Variants in SMCR8 observed in about 807,000 individuals in gnomAD.
SMCR8 encodes SMCR8-C9orf72 complex subunit.
A neutral mutation model predicts 56.6 loss-of-function variants in SMCR8; 30 were observed. That is an observed-to-expected ratio of 0.53 (90% CI 0.40 to 0.72). The LOEUF (loss-of-function observed/expected upper bound fraction) is 0.72. Among genes scored for constraint, SMCR8 ranks in the 30% least tolerant of loss-of-function variants. SMCR8 has a pLI of 0.00. For missense variants in SMCR8, 1,198 were observed against 1,157.0 expected (o/e 1.04, Z -0.51); for synonymous variants, 538 against 456.0 (o/e 1.18, Z -2.29).
At chr17:18,318,550 C>A (rs1982404650) in intron 1 of SMCR8, among the ~76,000 whole-genome samples, 1 of 152,080 alleles carries the variant, frequency 6.6e-6, no homozygotes, top group Non-Finnish European at 1.5e-5. Flanking sequence ...ATTACAGGCG[C>A]CTGCCACCAC....
In SMCR8 at chr17:18,318,155, T is replaced by C; in HGVS notation, c.2360+6T>C. 6.2e-7 allele frequency: 1 copy of C among 1,607,124 alleles called. No individual in the cohort carries two copies. The highest frequency in any genetic ancestry group is 1.3e-5 in the African/African-American group (1 of 74,910). On this transcript the variant is annotated splice_donor_region_variant and intron_variant, in intron 1 of 1. Transcript: ENST00000406438. ...AAGCTTATTGGCTTGCAGAGGTAACTGGTTCCAGGTGGTGGGGAAGGGCCT... is the reference window on the plus strand; with the variant it reads ...AAGCTTATTGGCTTGCAGAGGTAACCGGTTCCAGGTGGTGGGGAAGGGCCT...
rs780661102 is a variant in SMCR8, at chr17:18,323,122, G to A, written c.*52G>A. 6.6e-7 allele frequency: 1 copy of A among 1,520,456 alleles called. No individual in the cohort carries two copies. Among genetic ancestry groups the A allele is most frequent in the East Asian group, 2.3e-5 (1 of 44,142 alleles). The allele number at this position is 1,520,456 out of a possible 1,614,324, so 94.2% of individuals were successfully genotyped here. A position where few individuals can be genotyped will look rare whatever the true frequency, so the allele number is the denominator to read the frequency against. ...ACCTGTGACTCAGGGTATGGGGAGG[G>A]GAGGGGTTGGCATGACCAAACAGTT... On this transcript the variant is annotated 3_prime_UTR_variant, in exon 2 of 2. Coordinates refer to ENST00000406438, the MANE Select transcript of SMCR8 (RefSeq NM_144775.3).
chr17:18,322,249 G>A (rs1236166904), intron 1 of SMCR8, among the ~76,000 whole-genome samples: 7 of 152,164 alleles, frequency 4.6e-5, no homozygotes. Flanking sequence ...CTGACCTCAC[G>A]ATGCGCCTGC....
At chr17:18,320,232 G>A (rs1388309370) in intron 1 of SMCR8, among the ~76,000 whole-genome samples, 2 of 152,216 alleles carry the variant, frequency 1.3e-5, no homozygotes, top group African/African-American at 2.4e-5. Context: ...GTCCTCCTGC[G>A]GCGGGCATGG....
rs1982250484 is a variant in SMCR8 at position 18,315,903 on chromosome 17, C to T, written c.114C>T (p.Ala38=). ...EEYSVPLFPF[A]SQGANPWSKL... ...ACTCGGTGCCGCTCTTCCCCTTCGC[C>T]AGTCAGGGTGCTAACCCCTGGTCAA... Residue 38 remains alanine (A), a synonymous_variant, in exon 1 of 2, where the codon GCC becomes GCT. Transcript: ENST00000406438. 6.2e-7 allele frequency: 1 copy of T among 1,614,042 alleles called. No homozygotes were observed. The highest frequency in any genetic ancestry group is 8.5e-7 in the Non-Finnish European group (1 of 1,180,024).
chr17:18,316,050 C>CAA lies in SMCR8; in HGVS notation c.262_263dup (p.Asn88LysfsTer29), dbSNP rs1982260439. 6.2e-7 allele frequency: 1 copy of CAA among 1,614,138 alleles called. No homozygotes were observed. The highest frequency in any genetic ancestry group is 1.7e-5 in the Admixed American group (1 of 60,018). Reference sequence around the variant, plus strand: ...CCAAAGTTTTTGGCACTTTTGATCTCAATTACTTCTCCCTGCGTATCATGT... The same window carrying CAA: ...CCAAAGTTTTTGGCACTTTTGATCTCAAAATTACTTCTCCCTGCGTATCATGT... On this transcript the variant is annotated frameshift_variant, in exon 1 of 2. Coordinates refer to ENST00000406438, the MANE Select transcript of SMCR8 (RefSeq NM_144775.3). LOFTEE classifies it high-confidence loss of function.
Position 18,317,816 on chromosome 17 carries a change from G to C in SMCR8, c.2027G>C (p.Ser676Thr), listed in dbSNP as rs1982374523. Residue 676 changes from serine to threonine, a missense_variant, in exon 1 of 2, where the codon AGC (serine) becomes ACC (threonine). Physicochemically the swap from Ser to Thr is moderately conservative, Grantham distance 58. Coordinates refer to ENST00000406438, the MANE Select transcript of SMCR8 (RefSeq NM_144775.3). Reference protein sequence around the residue: ...TSLDNYSDTTSYVSSVASTSS... With the variant: ...TSLDNYSDTTTYVSSVASTSS... ...CTGGACAACTACTCAGACACCACCAGCTACGTGAGCAGTGTAGCGTCCACC... is the reference window on the plus strand; with the variant it reads ...CTGGACAACTACTCAGACACCACCACCTACGTGAGCAGTGTAGCGTCCACC... 1 of 1,614,166 alleles carries C rather than the reference G, an allele frequency of 6.2e-7. No homozygotes were observed. The highest frequency in any genetic ancestry group is 8.5e-7 in the Non-Finnish European group (1 of 1,180,012).
In SMCR8 at chr17:18,317,731, C is replaced by G; in HGVS notation, c.1942C>G (p.Pro648Ala). 6.2e-7 allele frequency: 1 copy of G among 1,614,130 alleles called. No individual in the cohort carries two copies. Among genetic ancestry groups the G allele is most frequent in the Non-Finnish European group, 8.5e-7 (1 of 1,180,040 alleles). ...SSRDNSCEGF[P>A]AYELDPSHLL... Reference sequence around the variant, plus strand: ...CCGAGACAACAGTTGTGAAGGGTTTCCCGCTTATGAGCTGGACCCGAGCCA... The same window carrying G: ...CCGAGACAACAGTTGTGAAGGGTTTGCCGCTTATGAGCTGGACCCGAGCCA... Residue 648 changes from proline (P) to alanine (A), a missense_variant, in exon 1 of 2, where the codon CCC becomes GCC. Physicochemically the swap from Pro to Ala is conservative, Grantham distance 27. Coordinates refer to ENST00000406438, the MANE Select transcript of SMCR8 (RefSeq NM_144775.3).
At position 18,317,075 on chromosome 17, in the gene SMCR8, T is replaced by A; in HGVS notation, c.1286T>A (p.Met429Lys). Residue 429 changes from methionine to lysine, a missense_variant, in exon 1 of 2, where the codon ATG becomes AAG. Physicochemically the swap from Met to Lys is moderately conservative, Grantham distance 95. Coordinates refer to ENST00000406438, the MANE Select transcript of SMCR8 (RefSeq NM_144775.3). ...KSSVESVLIK[M>K]EQELGDEEYK... ...AGTGTGGAGTCTGTGTTGATCAAGATGGAGCAGGAACTGGGAGATGAGGAG... is the reference window on the plus strand; with the variant it reads ...AGTGTGGAGTCTGTGTTGATCAAGAAGGAGCAGGAACTGGGAGATGAGGAG... The A allele has an allele frequency of 6.2e-7, 1 of 1,614,130 alleles. No homozygotes were observed. The highest frequency in any genetic ancestry group is 8.5e-7 in the Non-Finnish European group (1 of 1,180,032).
At chr17:18,320,759 A>G (rs765670467) in intron 1 of SMCR8, among the ~76,000 whole-genome samples, 4 of 152,238 alleles carry the variant, frequency 2.6e-5, no homozygotes, top group South Asian at 4.2e-4. Context: ...TGCTGTCCCT[A>G]TGGTCAGGAT....
chr17:18,315,553 T>A lies in SMCR8; in HGVS notation c.-237T>A. The A allele has an allele frequency of 4.2e-6, 2 of 479,458 alleles. No individual in the cohort carries two copies. Among genetic ancestry groups the A allele is most frequent in the Non-Finnish European group, 7.4e-6 (2 of 271,606 alleles). 29.7% of individuals were successfully genotyped at this position (479,458 alleles called of 1,614,324 possible). A position where few individuals can be genotyped will look rare whatever the true frequency, so the allele number is the denominator to read the frequency against. On this transcript the variant is annotated 5_prime_UTR_variant, in exon 1 of 2. Coordinates refer to ENST00000406438, the MANE Select transcript of SMCR8 (RefSeq NM_144775.3). Reference sequence around the variant, plus strand: ...CGAAGAAGAGAAGGGCAGTTGGGCCTGCGGCCTTGGCGTTCATGAGGCCTC... The same window carrying A: ...CGAAGAAGAGAAGGGCAGTTGGGCCAGCGGCCTTGGCGTTCATGAGGCCTC...
At position 18,317,733 on chromosome 17, in the gene SMCR8, C is replaced by T. The variant is rs989812516; in HGVS notation, c.1944C>T (p.Pro648=). ...GAGACAACAGTTGTGAAGGGTTTCC[C>T]GCTTATGAGCTGGACCCGAGCCACC... The part of the protein sequence containing the change: ...SSRDNSCEGF[P]AYELDPSHLL... Residue 648 remains proline (P), a synonymous_variant, in exon 1 of 2, where the codon CCC becomes CCT. Transcript: ENST00000406438. 5 of 1,614,118 alleles carry T rather than the reference C, an allele frequency of 3.1e-6. No individual in the cohort carries two copies. The South Asian group carries it at 4.4e-5, about 14-fold the overall frequency.
rs115539864 is a variant in SMCR8 at position 18,319,475 on chromosome 17, G to A, written c.2360+1326G>A. On this transcript the variant is annotated intron_variant, in intron 1 of 1. Transcript: ENST00000406438. ...ACCTTCCTATCCTCGGAGGTGTTGC[G>A]CTGCAGAGGCTCTGCACTCTGAGCA... Among the ~76,000 whole-genome samples the A allele has an allele frequency of 8.6e-3, 1,310 of 152,184 alleles. 21 individuals are homozygous for A. The highest frequency in any genetic ancestry group is 0.029 in the African/African-American group (1,217 of 41,492).
chr17:18,317,813 C>G lies in SMCR8; in HGVS notation c.2024C>G (p.Thr675Ser). ...AGCCTGGACAACTACTCAGACACCA[C>G]CAGCTACGTGAGCAGTGTAGCGTCC... is the stretch of plus-strand genomic sequence containing the variant. ...KTSLDNYSDT[T>S]SYVSSVASTS... Residue 675 changes from threonine to serine, a missense_variant, in exon 1 of 2, where the codon ACC becomes AGC. Physicochemically the swap from Thr to Ser is moderately conservative, Grantham distance 58. Coordinates refer to ENST00000406438, the MANE Select transcript of SMCR8 (RefSeq NM_144775.3). The G allele has an allele frequency of 6.2e-7, 1 of 1,614,162 alleles. No homozygotes were observed. Among genetic ancestry groups the G allele is most frequent in the Non-Finnish European group, 8.5e-7 (1 of 1,180,002 alleles).
chr17:18,325,703 C>CT lies in SMCR8; in HGVS notation c.*2634dup, dbSNP rs1982630230. The CT allele has an allele frequency of 6.6e-6, 1 of 152,372 alleles. No homozygotes were observed. Among genetic ancestry groups the CT allele is most frequent in the East Asian group, 1.9e-4 (1 of 5,192 alleles). 9.4% of individuals were successfully genotyped at this position (152,372 alleles called of 1,614,324 possible). ...TCACTCCGGGGAACTGAAACCTACT[C>CT]TGAGTCTCACATCTCTAAACCTCAG... On this transcript the variant is annotated 3_prime_UTR_variant, in exon 2 of 2. Transcript: ENST00000406438.
rs573360478 is a variant in SMCR8, at chr17:18,316,796, C to T, written c.1007C>T (p.Ala336Val). ...ACTGAATATTTCACCCAGACCCTGG[C>T]TCAGCTCAGCCACATTGAACACATG... ...CDTEYFTQTL[A>V]QLSHIEHMFR... The change falls in exon 1 of 2, where the codon GCT becomes GTT. Residue 336 changes from alanine (A) to valine (V), a missense_variant. Physicochemically the swap from Ala to Val is moderately conservative, Grantham distance 64. Transcript: ENST00000406438. 1 of 1,614,254 alleles carries T rather than the reference C, an allele frequency of 6.2e-7. No individual in the cohort carries two copies. Among genetic ancestry groups the T allele is most frequent in the African/African-American group, 1.3e-5 (1 of 75,074 alleles).
Position 18,317,370 on chromosome 17 carries a change from C to T in SMCR8, c.1581C>T (p.Ala527=), listed in dbSNP as rs781768176. Residue 527 remains alanine (A), a synonymous_variant, in exon 1 of 2, where the codon GCC becomes GCT. Transcript: ENST00000406438. The part of the protein sequence containing the change: ...IEVLSTCPSE[A]LIPDDFKASY... ...TCCTCAGTACCTGCCCCTCTGAGGC[C>T]CTCATCCCTGATGACTTTAAGGCCA... is the stretch of plus-strand genomic sequence containing the variant. 5 of 1,614,110 alleles carry T rather than the reference C, an allele frequency of 3.1e-6. No individual in the cohort carries two copies. The highest frequency in any genetic ancestry group is 4.2e-6 in the Non-Finnish European group (5 of 1,180,024).
At chr17:18,318,758 C>T (rs528842529) in intron 1 of SMCR8, among the ~76,000 whole-genome samples, 6 of 152,256 alleles carry the variant, frequency 3.9e-5, no homozygotes, top group Middle Eastern at 3.4e-3. Context: ...GGTTCTGATT[C>T]GGTTGGTGTG....
chr17:18,317,036 GT>G lies in SMCR8; in HGVS notation c.1249del (p.Ser417LeufsTer10). The part of the protein sequence containing the change: ...CPIPKVLISV[G>X]SYKSSVESVL... ...ATTCCTAAAGTGTTAATTAGTGTTGGTTCTTACAAGTCCAGTGTGGAGTCTG... is the reference window on the plus strand; with the variant it reads ...ATTCCTAAAGTGTTAATTAGTGTTGGTCTTACAAGTCCAGTGTGGAGTCTG... On this transcript the variant is annotated frameshift_variant, in exon 1 of 2. Coordinates refer to ENST00000406438, the MANE Select transcript of SMCR8 (RefSeq NM_144775.3). LOFTEE classifies it high-confidence loss of function. 1 of 1,614,172 alleles carries G rather than the reference GT, an allele frequency of 6.2e-7. No homozygotes were observed. The highest frequency in any genetic ancestry group is 8.5e-7 in the Non-Finnish European group (1 of 1,180,032).
Sources: gnomAD v4.1 joint callset for allele counts (sites outside exome capture counted in the v4.1 genomes callset) on GRCh38, gnomAD v4.1.1 for gene constraint, MANE v1.5 for transcripts, NCBI Gene and HGNC (gene_info 2026-07-23, HGNC 2026-07-21) for gene names.